RNLS: variants seen among roughly 807,000 people sequenced by gnomAD.
RNLS encodes renalase, FAD dependent amine oxidase.
RNLS carries 39 observed loss-of-function variants against 39.8 expected under a neutral mutation model. The observed-to-expected ratio is 0.98, with a 90% CI of 0.76 to 1.28. RNLS has a LOEUF of 1.28. Ranked by LOEUF, RNLS falls within the 50% of genes most tolerant of loss-of-function variation. The pLI, the probability that RNLS is intolerant of heterozygous loss-of-function variation, is 0.00. For missense variants in RNLS, 410 were observed against 413.3 expected (o/e 0.99, Z 0.07); for synonymous variants, 147 against 150.7 (o/e 0.98, Z 0.18).
At chr10:88,288,905 C>T (rs970245505) in intron 6 of RNLS, among the ~76,000 whole-genome samples, 6 of 152,172 alleles carry the variant, frequency 3.9e-5, no homozygotes, top group African/African-American at 7.2e-5. Flanking sequence ...TGGAGGAGCA[C>T]GTAATTGTCA....
the RNLS span, among the ~76,000 whole-genome samples, chr10:88,236,841 C>T: frequency 3.3e-5 from 5 of 152,144 alleles, no homozygotes; most frequent in Non-Finnish European, 7.3e-5. Context: ...AAGCTATTCT[C>T]CCAGTAGTGA....
intron 4 of RNLS, among the ~76,000 whole-genome samples, chr10:88,481,359 A>C (rs1020600990): frequency 5.3e-5 from 8 of 151,802 alleles, no homozygotes; most frequent in African/African-American, 1.9e-4. Context: ...TTGTTTTCTA[A>C]GCCTCTTGTG....
chr10:88,444,171 G>C (rs1034673954), intron 4 of RNLS, among the ~76,000 whole-genome samples: 2 of 152,182 alleles, frequency 1.3e-5, no homozygotes, highest in East Asian at 3.9e-4. Flanking sequence ...AGCAATATTC[G>C]CTGTTCTGCA....
intron 4 of RNLS, among the ~76,000 whole-genome samples, chr10:88,537,919 T>G (rs1022252374): frequency 4.6e-5 from 7 of 152,202 alleles, no homozygotes; most frequent in Non-Finnish European, 7.3e-5. Flanking sequence ...GTATTGATGA[T>G]GATAAGTTTG....
downstream of RNLS, among the ~76,000 whole-genome samples, chr10:88,282,590 G>C (rs530927573): frequency 6.6e-6 from 1 of 151,330 alleles, no homozygotes; most frequent in Non-Finnish European, 1.5e-5. Flanking sequence ...AGTTAACAAG[G>C]TAGTGGGTAG....
exon 7 of RNLS, chr10:88,274,279 A>C (rs867731894): frequency 6.6e-6 from 1 of 152,316 alleles, no homozygotes; most frequent in African/African-American, 2.4e-5. Flanking sequence ...AGCACCCATA[A>C]CCATCATCCA....
At chr10:88,474,696 AGC>A (rs1386291717) in intron 4 of RNLS, among the ~76,000 whole-genome samples, 1 of 152,176 alleles carries the variant, frequency 6.6e-6, no homozygotes, top group African/African-American at 2.4e-5. Flanking sequence ...GTCTCTGTGT[AGC>A]AAATTGCTTA....
At chr10:88,400,398 C>G (rs1278214387) in intron 4 of RNLS, among the ~76,000 whole-genome samples, 6 of 151,928 alleles carry the variant, frequency 3.9e-5, no homozygotes, top group Non-Finnish European at 1.5e-5. Context: ...AATCTTTTGT[C>G]ATACATCCAT....
intron 5 of RNLS, among the ~76,000 whole-genome samples, chr10:88,343,259 G>C (rs531840300): frequency 2.0e-5 from 3 of 152,004 alleles, no homozygotes; most frequent in Non-Finnish European, 4.4e-5. Context: ...TCTTGACAGT[G>C]ACAGTGACGA....
intron 4 of RNLS, among the ~76,000 whole-genome samples, chr10:88,404,481 C>A (rs927311416): frequency 6.6e-6 from 1 of 151,972 alleles, no homozygotes. Context: ...ATTTTCCTAA[C>A]GTCAAATAGG....
rs1255102661 is a variant in RNLS at position 88,341,116 on chromosome 10, G to A, written c.700+21436C>T. Among the ~76,000 whole-genome samples the A allele has an allele frequency of 7.4e-5, 11 of 149,568 alleles. No homozygotes were observed. The East Asian group carries it at 2.2e-3, about 29-fold the overall frequency. On this transcript the variant is annotated intron_variant, in intron 5 of 6. Coordinates refer to ENST00000331772, the MANE Select transcript of RNLS (RefSeq NM_001031709.3). Reference sequence around the variant, plus strand: ...AGGCCTAGGCGGGCGGATCACCTGAGGTCGGGAGTTCGAGACCAGCCTGAC... The same window carrying A: ...AGGCCTAGGCGGGCGGATCACCTGAAGTCGGGAGTTCGAGACCAGCCTGAC...
At chr10:88,565,168 T>C (rs752593649) in intron 4 of RNLS, among the ~76,000 whole-genome samples, 2 of 152,210 alleles carry the variant, frequency 1.3e-5, no homozygotes, top group African/African-American at 4.8e-5. Flanking sequence ...CCCTGTGATA[T>C]GCAGTTTTGT....
At chr10:88,316,678 G>C (rs750196109) in intron 5 of RNLS, among the ~76,000 whole-genome samples, 4 of 152,124 alleles carry the variant, frequency 2.6e-5, no homozygotes, top group Non-Finnish European at 5.9e-5. Context: ...TGTGATGCCA[G>C]GTTTCTCCCA....
In RNLS at chr10:88,581,704, T is replaced by A; in HGVS notation, c.230A>T (p.Tyr77Phe). 6.4e-7 allele frequency: 1 copy of A among 1,563,568 alleles called. No individual in the cohort carries two copies. ...PHYAKKHQRF[Y>F]DELLAYGVLR... Reference sequence around the variant, plus strand: ...AACGCCATAGGCTAACAGTTCATCATAAAAACTGAAATAAATCAATATGTA... The same window carrying A: ...AACGCCATAGGCTAACAGTTCATCAAAAAAACTGAAATAAATCAATATGTA... Residue 77 changes from tyrosine (Y) to phenylalanine (F), a missense_variant, in exon 3 of 7, where the codon TAT (tyrosine) becomes TTT (phenylalanine). Tyr to Phe is a conservative substitution (Grantham distance 22). Transcript: ENST00000331772.
intron 4 of RNLS, among the ~76,000 whole-genome samples, chr10:88,524,544 T>G (rs1241189739): frequency 1.3e-5 from 2 of 152,102 alleles, no homozygotes; most frequent in African/African-American, 4.8e-5. Flanking sequence ...TCCAGGCAAT[T>G]GTAAAATAAT....
intron 4 of RNLS, among the ~76,000 whole-genome samples, chr10:88,407,812 C>A (rs1337696265): frequency 2.6e-5 from 4 of 152,082 alleles, no homozygotes; most frequent in Admixed American, 2.0e-4. Context: ...CTCTGTAGCA[C>A]ATGGAAATCT....
At chr10:88,535,833 G>A (rs1847726421) in intron 4 of RNLS, among the ~76,000 whole-genome samples, 6 of 152,044 alleles carry the variant, frequency 3.9e-5, no homozygotes, top group Admixed American at 3.9e-4. Flanking sequence ...AAGTGGAAAT[G>A]GCATATCTCA....
intron 6 of RNLS, among the ~76,000 whole-genome samples, chr10:88,293,203 C>T (rs1162223205): frequency 6.6e-6 from 1 of 152,150 alleles, no homozygotes; most frequent in Non-Finnish European, 1.5e-5. Context: ...AATCTTCTTG[C>T]CTTGGCATTT....
At chr10:88,196,183 CT>C in the RNLS span, among the ~76,000 whole-genome samples, 1 of 131,670 alleles carries the variant, frequency 7.6e-6, no homozygotes, top group Non-Finnish European at 1.6e-5. Context: ...TTTTGGCATC[CT>C]ACAATTTCGT....
Sources: allele counts gnomAD v4.1 joint callset (sites outside exome capture counted in the v4.1 genomes callset), GRCh38; gene constraint gnomAD v4.1.1; transcripts MANE v1.5; gene names NCBI Gene and HGNC (gene_info 2026-07-23, HGNC 2026-07-21).